TMX3: variants seen among roughly 807,000 people sequenced by gnomAD.
TMX3 encodes protein disulfide-isomerase TMX3.
Under a neutral mutation model 64.4 loss-of-function variants are expected in TMX3, and 40 were observed. The ratio of observed to expected loss-of-function variants is 0.62; its 90% CI spans 0.48 to 0.81. TMX3 has a LOEUF of 0.81. TMX3 is among the 30% of genes least tolerant of loss of function. TMX3 has a pLI of 0.00. For synonymous variants in TMX3, 189 were observed against 175.7 expected (o/e 1.08, Z -0.60); for missense variants, 497 against 534.5 (o/e 0.93, Z 0.69).
In TMX3 at chr18:68,700,418, G is replaced by T; in HGVS notation, c.379C>A (p.His127Asn). The change falls in exon 6 of 16, where the codon CAC (histidine) becomes AAC (asparagine). Residue 127 changes from histidine (H) to asparagine (N), a missense_variant. His to Asn is a moderately conservative substitution (Grantham distance 68). Around this residue, in one of 3 missense-constraint regions of TMX3, gnomAD observed 360 missense variants for 383.5 expected, o/e 0.94. Transcript: ENST00000299608. The part of the protein sequence containing the change: ...RTKDDIIEFA[H>N]RVSGALIRPL... ...CTAATAACTTACCCAGATACTCTGT[G>T]AGCAAACTCAATAATATCATCTTTT... The T allele has an allele frequency of 6.3e-7, 1 of 1,575,712 alleles. No individual in the cohort carries two copies. The highest frequency in any genetic ancestry group is 1.2e-5 in the South Asian group (1 of 82,420).
intron 8 of TMX3, 82 bp from the exon 9 acceptor site, chr18:68,691,443 C>T: frequency 1.1e-6 from 1 of 873,086 alleles, no homozygotes. Flanking sequence ...TCTTGAGATA[C>T]CAGAAAACTC....
chr18:68,694,955 T>A (rs944292881), intron 8 of TMX3, among the ~76,000 whole-genome samples: 3 of 152,154 alleles, frequency 2.0e-5, no homozygotes, highest in African/African-American at 7.2e-5. Context: ...AATTTTTTTA[T>A]AATTTATAGA....
At chr18:68,701,897 T>G in intron 4 of TMX3, 107 bp from the exon 5 acceptor site, 1 of 808,326 alleles carries the variant, frequency 1.2e-6, no homozygotes, top group Non-Finnish European at 2.0e-6. Context: ...ACAACCCATA[T>G]AGATACGTTG....
intron 1 of TMX3, 32 bp from the exon 2 acceptor site, chr18:68,713,932 A>G: frequency 6.8e-7 from 1 of 1,472,074 alleles, no homozygotes. Context: ...TACACAATAA[A>G]TGCTGATTAT....
intron 6 of TMX3, 70 bp downstream of exon 6, chr18:68,700,335 C>T (rs867727924): frequency 9.4e-7 from 1 of 1,066,204 alleles, no homozygotes; most frequent in Middle Eastern, 2.6e-4. Context: ...TTGTTCAATA[C>T]AGTCTATTAA....
At chr18:68,698,983 C>T (rs1028305905) in intron 6 of TMX3, among the ~76,000 whole-genome samples, 7 of 150,646 alleles carry the variant, frequency 4.6e-5, no homozygotes, top group African/African-American at 1.7e-4. Context: ...GACAGCGCCA[C>T]TGCAGTCCAG....
chr18:68,701,084 GGAT>G (rs2030015067), intron 5 of TMX3: 2 of 924,408 alleles, frequency 2.2e-6, no homozygotes, highest in Non-Finnish European at 2.6e-6. Flanking sequence ...GGAAACGAAA[GGAT>G]GATTTACTTA....
intron 4 of TMX3, among the ~76,000 whole-genome samples, chr18:68,703,788 C>T (rs1019372715): frequency 9.9e-5 from 15 of 151,692 alleles, no homozygotes; most frequent in African/African-American, 2.9e-4. Context: ...AAATTAGTCG[C>T]GCGCGGTGGC....
chr18:68,691,184 C>T, intron 9 of TMX3, 111 bp downstream of exon 9: 1 of 623,890 alleles, frequency 1.6e-6, no homozygotes, highest in Non-Finnish European at 2.5e-6. Context: ...GTCATGAGAA[C>T]TGTTATTCTC....
rs1358890993 is a variant in TMX3, at chr18:68,684,319, T to C, written c.795-76A>G. 2.0e-6 allele frequency: 3 copies of C among 1,483,252 alleles called. No individual in the cohort carries two copies. In the African/African-American group the frequency reaches 4.2e-5, roughly 21 times the overall value. The allele number at this position is 1,483,252 out of a possible 1,614,324, so 91.9% of individuals were successfully genotyped here. A position where few individuals can be genotyped will look rare whatever the true frequency, so the allele number is the denominator to read the frequency against. ...AATTTTTCAATGATAGTATCTGCTG[T>C]CTTACATCTAATTGCTGCAGGAAAA... On this transcript the variant is annotated intron_variant, in intron 11 of 15. Transcript: ENST00000299608.
chr18:68,680,315 T>A (rs1913293799), intron 14 of TMX3, among the ~76,000 whole-genome samples: 1 of 152,186 alleles, frequency 6.6e-6, no homozygotes, highest in African/African-American at 2.4e-5. Context: ...GTCTATTGAA[T>A]TAAGATGCAT....
At chr18:68,686,377 T>C (rs1568182980) in intron 10 of TMX3, among the ~76,000 whole-genome samples, 1 of 152,180 alleles carries the variant, frequency 6.6e-6, no homozygotes, top group Non-Finnish European at 1.5e-5. Context: ...AAGACTACTA[T>C]ATTCCTACAT....
chr18:68,690,325 G>T (rs991524231), intron 9 of TMX3, among the ~76,000 whole-genome samples: 2 of 152,088 alleles, frequency 1.3e-5, no homozygotes, highest in African/African-American at 4.8e-5. Flanking sequence ...ACAAGAAATT[G>T]AACTTTAAAT....
At chr18:68,710,226 T>A in intron 3 of TMX3, 82 bp from the exon 4 acceptor site, 1 of 1,238,554 alleles carries the variant, frequency 8.1e-7, no homozygotes. Flanking sequence ...TCTTAATATT[T>A]AAAGAATCCC....
intron 2 of TMX3, among the ~76,000 whole-genome samples, chr18:68,711,783 T>C (rs909200814): frequency 2.0e-5 from 3 of 152,170 alleles, no homozygotes; most frequent in Non-Finnish European, 4.4e-5. Context: ...TTGGTTGGCA[T>C]CTGGGAACTT....
intron 2 of TMX3, among the ~76,000 whole-genome samples, chr18:68,711,853 G>C (rs77071790): frequency 6.6e-6 from 1 of 152,090 alleles, no homozygotes; most frequent in South Asian, 2.1e-4. Context: ...CATAAAATGC[G>C]CGTGAGAAAT....
intron 6 of TMX3, among the ~76,000 whole-genome samples, chr18:68,699,317 A>AG (rs1389091990): frequency 3.9e-5 from 6 of 152,142 alleles, no homozygotes; most frequent in Admixed American, 2.6e-4. Context: ...AAAACTCATT[A>AG]AAAATTTCTC....
Position 68,711,412 on chromosome 18 carries a change from C to G in TMX3, c.102-9G>C. On this transcript the variant is annotated splice_polypyrimidine_tract_variant and intron_variant, in intron 2 of 15. Transcript: ENST00000299608. ...TTCGATTTTCTTTAAACCTAAAAAA[C>G]AAGAAAACAAATGTTTGATTGTATG... 2 of 1,574,834 alleles carry G rather than the reference C, an allele frequency of 1.3e-6. No individual in the cohort carries two copies. The highest frequency in any genetic ancestry group is 1.7e-6 in the Non-Finnish European group (2 of 1,152,730).
intron 2 of TMX3, 41 bp from the exon 3 acceptor site, chr18:68,711,444 T>C (rs760331386): frequency 4.8e-6 from 7 of 1,470,426 alleles, no homozygotes; most frequent in South Asian, 3.6e-5. Context: ...TATGTTTGTG[T>C]CCACTTTACA....
Sources: allele counts gnomAD v4.1 joint callset (sites outside exome capture counted in the v4.1 genomes callset), GRCh38; gene constraint gnomAD v4.1.1; regional missense constraint gnomAD v4.1.1; transcripts MANE v1.5; gene names NCBI Gene and HGNC (gene_info 2026-07-23, HGNC 2026-07-21).